C1GALT1: variants seen among roughly 807,000 people sequenced by gnomAD.
C1GALT1 encodes the protein glycoprotein-N-acetylgalactosamine 3-beta-galactosyltransferase 1.
In C1GALT1, 11 loss-of-function variants were observed where a neutral mutation model predicts 31.0. The ratio of observed to expected loss-of-function variants is 0.36; its 90% CI spans 0.22 to 0.59. The LOEUF is 0.59. Ranked by LOEUF, C1GALT1 falls within the 20% of genes least tolerant of loss-of-function variation. The pLI, the probability that C1GALT1 is intolerant of heterozygous loss-of-function variation, is 0.79. For missense variants in C1GALT1, 424 were observed against 425.2 expected (o/e 1.00, Z 0.03); for synonymous variants, 175 against 143.6 (o/e 1.22, Z -1.56).
At chr7:7,173,895 A>AGCTT (rs1780479004) in intron 2 of C1GALT1, among the ~76,000 whole-genome samples, 1 of 152,194 alleles carries the variant, frequency 6.6e-6, no homozygotes, top group Non-Finnish European at 1.5e-5. Context: ...TTCCAGAGCA[A>AGCTT]GACTCCATCT....
intron 1 of C1GALT1, among the ~76,000 whole-genome samples, chr7:7,204,657 G>A (rs549953698): frequency 6.6e-6 from 1 of 152,004 alleles, no homozygotes; most frequent in African/African-American, 2.4e-5. Context: ...TTCTTGAATT[G>A]AGAACTTTCT....
chr7:7,231,417 T>C (rs1245393026), intron 1 of C1GALT1, among the ~76,000 whole-genome samples: 9 of 152,190 alleles, frequency 5.9e-5, no homozygotes, highest in Non-Finnish European at 1.0e-4. Context: ...TCCTGAGTTA[T>C]GTCTCTTCCC....
chr7:7,217,241 C>A (rs894190715), intron 1 of C1GALT1, among the ~76,000 whole-genome samples: 1 of 151,820 alleles, frequency 6.6e-6, no homozygotes, highest in Non-Finnish European at 1.5e-5. Context: ...TTTTAAGGAG[C>A]GGAGAGTTGA....
At chr7:7,164,779 A>G (rs906724567) in intron 2 of C1GALT1, among the ~76,000 whole-genome samples, 1 of 152,096 alleles carries the variant, frequency 6.6e-6, no homozygotes, top group Non-Finnish European at 1.5e-5. Context: ...AGTTGTTTGC[A>G]CCTGAGGCAG....
intron 2 of C1GALT1, among the ~76,000 whole-genome samples, chr7:7,173,233 G>C (rs185060683): frequency 6.6e-6 from 1 of 151,980 alleles, no homozygotes; most frequent in African/African-American, 2.4e-5. Flanking sequence ...TCATTTAAAA[G>C]TGTGTGGCAT....
At chr7:7,242,063 G>A (rs535622996) in intron 3 of C1GALT1, among the ~76,000 whole-genome samples, 12 of 152,058 alleles carry the variant, frequency 7.9e-5, no homozygotes, top group African/African-American at 2.9e-4. Context: ...TGGTTATTGA[G>A]CACTTGAAAT....
intron 1 of C1GALT1, among the ~76,000 whole-genome samples, chr7:7,232,303 G>A (rs553219453): frequency 5.3e-5 from 8 of 152,226 alleles, no homozygotes; most frequent in South Asian, 2.1e-4. Context: ...ACATGAAGTT[G>A]TTTTGTTTTT....
chr7:7,169,664 C>A (rs1166273750), intron 2 of C1GALT1, among the ~76,000 whole-genome samples: 3 of 151,958 alleles, frequency 2.0e-5, no homozygotes, highest in Admixed American at 2.0e-4. Context: ...GCTTATTAGC[C>A]ATTTGTACAT....
At chr7:7,162,970 T>C (rs1374984354) in intron 2 of C1GALT1, among the ~76,000 whole-genome samples, 18 of 152,200 alleles carry the variant, frequency 1.2e-4, no homozygotes, top group Non-Finnish European at 2.6e-4. Context: ...GTTGTTTGTT[T>C]TTTCTTGTAA....
intron 1 of C1GALT1, among the ~76,000 whole-genome samples, chr7:7,224,284 G>A (rs1005640912): frequency 6.7e-6 from 1 of 149,976 alleles, no homozygotes; most frequent in Non-Finnish European, 1.5e-5. Context: ...TTTTTGTACT[G>A]TCTTTGTTGG....
intron 1 of C1GALT1, among the ~76,000 whole-genome samples, chr7:7,194,400 C>T (rs550862366): frequency 6.6e-6 from 1 of 152,128 alleles, no homozygotes; most frequent in South Asian, 2.1e-4. Flanking sequence ...CTGGATTTTG[C>T]CAAATGCCTT....
At chr7:7,169,409 G>A (rs1446890512) in intron 2 of C1GALT1, among the ~76,000 whole-genome samples, 1 of 152,068 alleles carries the variant, frequency 6.6e-6, no homozygotes, top group African/African-American at 2.4e-5. Flanking sequence ...TCATTCTATG[G>A]TTAGCCTTTT....
chr7:7,179,454 G>A (rs1780544754), upstream of C1GALT1, among the ~76,000 whole-genome samples: 1 of 152,000 alleles, frequency 6.6e-6, no homozygotes, highest in Non-Finnish European at 1.5e-5. Context: ...TAAAATGTAG[G>A]TATTTAAAGG....
intron 1 of C1GALT1, chr7:7,210,711 G>T (rs2128238811): frequency 6.6e-6 from 1 of 152,186 alleles, no homozygotes; most frequent in African/African-American, 2.4e-5. Flanking sequence ...GCAAATACAT[G>T]GCGCCATGAT....
In C1GALT1 at chr7:7,238,234, TTAAAATGTTTTGTTTA is replaced by T; in HGVS notation, c.221-20_221-5del. The T allele has an allele frequency of 6.4e-7, 1 of 1,550,486 alleles. No homozygotes were observed. The highest frequency in any genetic ancestry group is 8.7e-7 in the Non-Finnish European group (1 of 1,150,954). On this transcript the variant is annotated splice_polypyrimidine_tract_variant and splice_region_variant and intron_variant, in intron 2 of 3. Transcript: ENST00000436587. The surrounding 1 kb of genome is among the most constrained non-coding windows in gnomAD (Gnocchi z 5.2). The stretch of plus-strand genomic sequence containing the variant: ...ATTTTACATCTATGTAAATAACCTT[TTAAAATGTTTTGTTTA>T]ATAGATGAGAACACAGACATTGCTG...
chr7:7,182,853 G>A, intron 1 of C1GALT1, 33 bp downstream of exon 1: 7 of 985,420 alleles, frequency 7.1e-6, no homozygotes, highest in Non-Finnish European at 8.4e-6. Flanking sequence ...CAGGCTACGG[G>A]TCCAAGGTCT....
rs1783884114 is a variant in C1GALT1, at chr7:7,247,240, C to A, written c.*3513C>A. On this transcript the variant is annotated 3_prime_UTR_variant, in exon 4 of 4. Transcript: ENST00000436587. The stretch of plus-strand genomic sequence containing the variant: ...TCATAGAGCACATAAAACCAGATTT[C>A]ATGATGATGATGTATTCACTATCTT... 6.6e-6 allele frequency: 1 copy of A among 152,092 alleles called. No homozygotes were observed. The allele number at this position is 152,092 out of a possible 1,614,324, so 9.4% of individuals were successfully genotyped here.
At chr7:7,184,470 G>A (rs995601134) in intron 1 of C1GALT1, among the ~76,000 whole-genome samples, 1 of 152,120 alleles carries the variant, frequency 6.6e-6, no homozygotes, top group Admixed American at 6.5e-5. Context: ...TCAATATCCA[G>A]TTATTCTTAA....
chr7:7,229,021 G>C (rs1011594784), intron 1 of C1GALT1, among the ~76,000 whole-genome samples: 9 of 151,266 alleles, frequency 5.9e-5, no homozygotes, highest in Non-Finnish European at 8.8e-5. Flanking sequence ...ATGGAGCTGG[G>C]TTAGCACTTC....
Sources: allele counts gnomAD v4.1 joint callset (sites outside exome capture counted in the v4.1 genomes callset), GRCh38; gene constraint gnomAD v4.1.1; non-coding constraint Gnocchi (gnomAD v3.1); transcripts MANE v1.5; gene names NCBI Gene and HGNC (gene_info 2026-07-23, HGNC 2026-07-21).